PUS7L: variants seen among roughly 807,000 people sequenced by gnomAD.
PUS7L encodes the protein pseudouridine synthase 7 like, also known as pseudouridylate synthase PUS7L.
Under a neutral mutation model 51.1 loss-of-function variants are expected in PUS7L, and 49 were observed. The ratio of observed to expected loss-of-function variants is 0.96; its 90% CI spans 0.76 to 1.22. The LOEUF (loss-of-function observed/expected upper bound fraction) is 1.22, where lower values mean the gene tolerates loss of function less well. Ranked by LOEUF, PUS7L falls within the 50% of genes most tolerant of loss-of-function variation. The pLI is 0.00. For synonymous variants in PUS7L, 277 were observed against 276.2 expected, an observed-to-expected ratio of 1.00 and a Z score of -0.03; for missense variants, 828 against 820.6, an observed-to-expected ratio of 1.01 and a Z score of -0.11.
In PUS7L at chr12:43,729,125, AC is replaced by A. The variant is rs1489166181; in HGVS notation, c.*1250del. The A allele has an allele frequency of 2.3e-5, 9 of 396,546 alleles. No homozygotes were observed. Among genetic ancestry groups the A allele is most frequent in the African/African-American group, 1.8e-4 (9 of 48,700 alleles). The allele number at this position is 396,546 out of a possible 1,614,324, so 24.6% of individuals were successfully genotyped here. A position where few individuals can be genotyped will look rare whatever the true frequency, so the allele number is the denominator to read the frequency against. On this transcript the variant is annotated 3_prime_UTR_variant, in exon 9 of 9. Coordinates refer to ENST00000344862, the MANE Select transcript of PUS7L (RefSeq NM_031292.5). ...GCTTTTTTAAATAACTACATATTTT[AC>A]CATCAAGTTGATACACATCATTTTA... is the stretch of plus-strand genomic sequence containing the variant.
At chr12:43,758,665 C>CACA (rs1555163685) in intron 1 of PUS7L, 65 bp downstream of exon 1, 27 of 562,610 alleles carry the variant, frequency 4.8e-5, no homozygotes, top group South Asian at 9.0e-5. Flanking sequence ...CCCCCCCCCC[C>CACA]CACACACACA....
intron 1 of PUS7L, 127 bp downstream of exon 1, chr12:43,758,603 G>C: frequency 1.0e-6 from 1 of 972,342 alleles, no homozygotes; most frequent in Middle Eastern, 5.5e-4. Context: ...ACTAGTCCAC[G>C]TCACCTTTCT....
At chr12:43,743,409 G>C (rs894031524) in intron 4 of PUS7L, among the ~76,000 whole-genome samples, 5 of 152,152 alleles carry the variant, frequency 3.3e-5, no homozygotes, top group South Asian at 2.1e-4. Flanking sequence ...AAAAGATGCG[G>C]AGCCAATTTG....
Position 43,729,330 on chromosome 12 carries a change from C to G in PUS7L, c.*1046G>C. Reference sequence around the variant, plus strand: ...TGGCTTAAGTATATATATCACATTACTGATATATAATGCTCCATACTGCTT... The same window carrying G: ...TGGCTTAAGTATATATATCACATTAGTGATATATAATGCTCCATACTGCTT... On this transcript the variant is annotated 3_prime_UTR_variant, in exon 9 of 9. Coordinates refer to ENST00000344862, the MANE Select transcript of PUS7L (RefSeq NM_031292.5). 2.5e-6 allele frequency: 1 copy of G among 394,362 alleles called. No homozygotes were observed. Among genetic ancestry groups the G allele is most frequent in the Middle Eastern group, 6.4e-4 (1 of 1,566 alleles). The allele number at this position is 394,362 out of a possible 1,614,324, so 24.4% of individuals were successfully genotyped here.
At chr12:43,731,089 T>C (rs1379425045) in intron 8 of PUS7L, among the ~76,000 whole-genome samples, 2 of 152,166 alleles carry the variant, frequency 1.3e-5, no homozygotes, top group African/African-American at 2.4e-5. Flanking sequence ...TGGTGGACAA[T>C]TTTAAATTTT....
intron 1 of PUS7L, among the ~76,000 whole-genome samples, chr12:43,755,609 TA>T (rs1240269685): frequency 2.0e-5 from 3 of 152,288 alleles, no homozygotes; most frequent in Admixed American, 2.0e-4. Flanking sequence ...CACAGGACTA[TA>T]AAACAAAGAT....
rs1944438768 is a variant in PUS7L, at chr12:43,725,199, A to G, written c.*5177T>C. 1.3e-5 allele frequency: 2 copies of G among 152,136 alleles called. No homozygotes were observed. Among genetic ancestry groups the G allele is most frequent in the South Asian group, 4.1e-4 (2 of 4,830 alleles). 9.4% of individuals were successfully genotyped at this position (152,136 alleles called of 1,614,324 possible). ...CCAGGTACCATCTAAAACACCTCCTATGATCTATAATGATTTTACATATTA... is the reference window on the plus strand; with the variant it reads ...CCAGGTACCATCTAAAACACCTCCTGTGATCTATAATGATTTTACATATTA... On this transcript the variant is annotated 3_prime_UTR_variant, in exon 9 of 9. Transcript: ENST00000344862.
intron 1 of PUS7L, among the ~76,000 whole-genome samples, chr12:43,756,649 A>C (rs1317067451): frequency 1.3e-5 from 2 of 152,014 alleles, no homozygotes; most frequent in Non-Finnish European, 2.9e-5. Flanking sequence ...CCTCAACCTC[A>C]CACCTCTACT....
intron 8 of PUS7L, among the ~76,000 whole-genome samples, chr12:43,731,164 G>A (rs1281040988): frequency 6.6e-6 from 1 of 152,150 alleles, no homozygotes. Context: ...TTTCTTAGCT[G>A]CTTGTGAGTA....
At chr12:43,744,269 A>C (rs1404878278) in intron 4 of PUS7L, among the ~76,000 whole-genome samples, 1 of 152,216 alleles carries the variant, frequency 6.6e-6, no homozygotes, top group African/African-American at 2.4e-5. Context: ...TTTCATCTTG[A>C]ATTGTAATCC....
rs1944449466 is a variant in PUS7L, at chr12:43,725,965, T to C, written c.*4411A>G. The C allele has an allele frequency of 6.6e-6, 1 of 152,112 alleles. No homozygotes were observed. Among genetic ancestry groups the C allele is most frequent in the African/African-American group, 2.4e-5 (1 of 41,420 alleles). The allele number at this position is 152,112 out of a possible 1,614,324, so 9.4% of individuals were successfully genotyped here. A position where few individuals can be genotyped will look rare whatever the true frequency, so the allele number is the denominator to read the frequency against. ...AAAAGTTACATGACTTTCAGTTTTT[T>C]ACAGCTCACAAAAAAAAAATCAAGG... On this transcript the variant is annotated 3_prime_UTR_variant, in exon 9 of 9. Transcript: ENST00000344862.
intron 7 of PUS7L, among the ~76,000 whole-genome samples, chr12:43,734,604 T>G (rs192743647): frequency 1.9e-4 from 29 of 152,284 alleles, no homozygotes; most frequent in East Asian, 7.7e-4. Flanking sequence ...TTTACCTCTA[T>G]TTTTGAAAAA....
chr12:43,744,899 T>G (rs1212391934), intron 4 of PUS7L, among the ~76,000 whole-genome samples: 1 of 151,960 alleles, frequency 6.6e-6, no homozygotes, highest in African/African-American at 2.4e-5. Context: ...GGTTCAGGAG[T>G]AGATATCAAT....
In PUS7L at chr12:43,719,735, A is replaced by G. The variant is rs989181394; in HGVS notation, c.*10641T>C. 1 of 152,194 alleles carries G rather than the reference A, an allele frequency of 6.6e-6. No individual in the cohort carries two copies. Among genetic ancestry groups the G allele is most frequent in the Admixed American group, 6.5e-5 (1 of 15,284 alleles). 9.4% of individuals were successfully genotyped at this position (152,194 alleles called of 1,614,324 possible). On this transcript the variant is annotated 3_prime_UTR_variant, in exon 9 of 9. Transcript: ENST00000344862. ...ATTTTCCATTTTATCTAAACTTTCA[A>G]TAATATTGGCAGAAAATTGTTCATA... is the stretch of plus-strand genomic sequence containing the variant.
intron 6 of PUS7L, 124 bp from the exon 7 acceptor site, chr12:43,736,785 C>G: frequency 1.3e-6 from 1 of 776,970 alleles, no homozygotes. Context: ...TCAACACTTT[C>G]AGTTAAACCT....
intron 4 of PUS7L, among the ~76,000 whole-genome samples, chr12:43,744,299 T>C (rs1938057695): frequency 6.6e-6 from 1 of 152,208 alleles, no homozygotes; most frequent in South Asian, 2.1e-4. Flanking sequence ...CCACATGTCA[T>C]GGGAAGGACC....
At chr12:43,740,076 T>C (rs1029066870) in intron 5 of PUS7L, among the ~76,000 whole-genome samples, 5 of 152,316 alleles carry the variant, frequency 3.3e-5, no homozygotes, top group African/African-American at 1.2e-4. Context: ...TTCTTTGGAC[T>C]TAAAAATAAT....
intron 4 of PUS7L, among the ~76,000 whole-genome samples, chr12:43,745,101 T>C (rs1355340318): frequency 2.7e-5 from 4 of 150,316 alleles, no homozygotes; most frequent in South Asian, 4.3e-4. Flanking sequence ...AGTAGATTAG[T>C]TGCAAGAGGA....
At chr12:43,736,226 A>G (rs1470310845) in intron 7 of PUS7L, among the ~76,000 whole-genome samples, 155 bp downstream of exon 7, 1 of 152,186 alleles carries the variant, frequency 6.6e-6, no homozygotes, top group Non-Finnish European at 1.5e-5. Flanking sequence ...GCCTAAACTG[A>G]CAGCAGACTT....
Sources: gnomAD v4.1 joint callset for allele counts (sites outside exome capture counted in the v4.1 genomes callset) on GRCh38, gnomAD v4.1.1 for gene constraint, MANE v1.5 for transcripts, NCBI Gene and HGNC (gene_info 2026-07-23, HGNC 2026-07-21) for gene names.